Variants in SLC2A13 observed in about 807,000 individuals in gnomAD.
SLC2A13 encodes proton myo-inositol cotransporter.
Under a neutral mutation model 64.4 loss-of-function variants are expected in SLC2A13, and 32 were observed. The observed-to-expected ratio is 0.50, with a 90% CI of 0.37 to 0.67. The LOEUF (loss-of-function observed/expected upper bound fraction) is 0.67. SLC2A13 is among the 30% of genes least tolerant of loss of function. SLC2A13 has a pLI of 0.00. For missense variants in SLC2A13, 743 were observed against 829.2 expected (o/e 0.90, Z 1.28); for synonymous variants, 338 against 327.1 (o/e 1.03, Z -0.36).
At chr12:40,044,824 C>CTTAATCCAATCACTACT (rs1948147500) in intron 2 of SLC2A13, among the ~76,000 whole-genome samples, 1 of 152,170 alleles carries the variant, frequency 6.6e-6, no homozygotes, top group East Asian at 1.9e-4. Flanking sequence ...TTCCATCTGT[C>CTTAATCCAATCACTACT]TTAATCCAAT....
At chr12:39,821,810 C>G (rs899382841) in intron 7 of SLC2A13, among the ~76,000 whole-genome samples, 2 of 152,148 alleles carry the variant, frequency 1.3e-5, no homozygotes, top group African/African-American at 2.4e-5. Flanking sequence ...CAGGGAAATA[C>G]AATCCTTCCC....
intron 2 of SLC2A13, among the ~76,000 whole-genome samples, chr12:40,042,108 A>G (rs1948098913): frequency 6.6e-6 from 1 of 152,218 alleles, no homozygotes; most frequent in South Asian, 2.1e-4. Flanking sequence ...TCCCAGGACT[A>G]ATATTTTGTA....
intron 1 of SLC2A13, among the ~76,000 whole-genome samples, chr12:40,051,171 G>T (rs779216232): frequency 1.3e-5 from 2 of 152,074 alleles, no homozygotes; most frequent in Admixed American, 6.6e-5. Flanking sequence ...ACATGGTAAG[G>T]GTCATAATAA....
intron 4 of SLC2A13, among the ~76,000 whole-genome samples, chr12:39,942,379 A>C (rs1946047062): frequency 6.6e-6 from 1 of 152,106 alleles, no homozygotes; most frequent in African/African-American, 2.4e-5. Flanking sequence ...GTCATCTGTG[A>C]CTTCTTTCAG....
chr12:39,803,587 T>G (rs920905240), intron 7 of SLC2A13, among the ~76,000 whole-genome samples: 3 of 151,976 alleles, frequency 2.0e-5, no homozygotes, highest in African/African-American at 7.2e-5. Flanking sequence ...CATATATATA[T>G]AGAGTCAGAA....
At chr12:39,897,506 C>G (rs1008434343) in intron 4 of SLC2A13, among the ~76,000 whole-genome samples, 6 of 152,284 alleles carry the variant, frequency 3.9e-5, no homozygotes, top group Admixed American at 1.3e-4. Context: ...ACTTCTAATT[C>G]AAAGGTTAGG....
At chr12:40,009,733 C>T (rs924409107) in intron 3 of SLC2A13, among the ~76,000 whole-genome samples, 7 of 152,168 alleles carry the variant, frequency 4.6e-5, no homozygotes, top group Non-Finnish European at 2.9e-5. Context: ...TCATGCCTGG[C>T]GACAGTTTCT....
chr12:39,948,146 T>TG (rs1354570864), intron 4 of SLC2A13, among the ~76,000 whole-genome samples: 2 of 152,146 alleles, frequency 1.3e-5, no homozygotes, highest in Non-Finnish European at 2.9e-5. Flanking sequence ...AGGAAAATAA[T>TG]CAATTCAGTT....
chr12:40,036,909 A>T (rs1196966222), intron 2 of SLC2A13, among the ~76,000 whole-genome samples: 5 of 152,018 alleles, frequency 3.3e-5, no homozygotes, highest in Non-Finnish European at 5.9e-5. Flanking sequence ...TTTTGTGTGG[A>T]TGTCATCTTC....
At chr12:39,830,575 G>A (rs1472186267) in intron 6 of SLC2A13, 1 of 763,572 alleles carries the variant, frequency 1.3e-6, no homozygotes, top group Non-Finnish European at 1.6e-6. Context: ...CTGCCTCATT[G>A]TGATCCAGCC....
chr12:39,866,675 T>A (rs1943920410), intron 5 of SLC2A13, among the ~76,000 whole-genome samples: 1 of 152,140 alleles, frequency 6.6e-6, no homozygotes, highest in Admixed American at 6.5e-5. Flanking sequence ...GAGACGGGGT[T>A]TCACCGTGTT....
chr12:39,867,673 C>A lies in SLC2A13; in HGVS notation c.1199-2791G>T, dbSNP rs112652299. 2.3e-3 allele frequency among the ~76,000 whole-genome samples: 350 copies of A among 152,158 alleles called. 4 individuals are homozygous for A. Among genetic ancestry groups the A allele is most frequent in the African/African-American group, 7.4e-3 (309 of 41,518 alleles). ...TAGGTAAAAGTTAACTCTTCTTAAG[C>A]CAAATTTATTTTATTTTGGCCCATT... On this transcript the variant is annotated intron_variant, in intron 5 of 9. Transcript: ENST00000280871.
intron 4 of SLC2A13, among the ~76,000 whole-genome samples, chr12:39,878,447 C>T (rs1351196855): frequency 6.6e-6 from 1 of 152,154 alleles, no homozygotes; most frequent in African/African-American, 2.4e-5. Flanking sequence ...AAATGAGGAA[C>T]TTATTGGGAA....
intron 3 of SLC2A13, among the ~76,000 whole-genome samples, chr12:40,008,913 G>T (rs1269825050): frequency 6.6e-6 from 1 of 152,138 alleles, no homozygotes; most frequent in Non-Finnish European, 1.5e-5. Context: ...ACCCCCAAAT[G>T]TAATGCCTAT....
intron 5 of SLC2A13, among the ~76,000 whole-genome samples, chr12:39,871,501 AT>A (rs1566888429): frequency 8.3e-6 from 1 of 120,488 alleles, no homozygotes. Context: ...AAAAACAATT[AT>A]TTTTTTTCAC....
chr12:39,883,981 C>A (rs1271364875), intron 4 of SLC2A13, among the ~76,000 whole-genome samples: 1 of 152,078 alleles, frequency 6.6e-6, no homozygotes, highest in Non-Finnish European at 1.5e-5. Flanking sequence ...GATTTTGATG[C>A]CTTTTCTTCT....
At chr12:40,018,120 C>T (rs1244100451) in intron 3 of SLC2A13, among the ~76,000 whole-genome samples, 1 of 152,176 alleles carries the variant, frequency 6.6e-6, no homozygotes, top group Non-Finnish European at 1.5e-5. Flanking sequence ...CAACCTATAG[C>T]TCATGGGCCA....
Position 40,105,052 on chromosome 12 carries a change from T to TC in SLC2A13, c.556+200dup, listed in dbSNP as rs917561328. 1.4e-5 allele frequency among the ~76,000 whole-genome samples: 2 copies of TC among 147,238 alleles called. No individual in the cohort carries two copies. Among genetic ancestry groups the TC allele is most frequent in the African/African-American group, 2.5e-5 (1 of 40,032 alleles). Reference sequence around the variant, plus strand: ...CGAGGGAGACTAGAGTGACACCCCCTCCCCCCCGACCCTCCCACCTCCCGG... The same window carrying TC: ...CGAGGGAGACTAGAGTGACACCCCCTCCCCCCCCGACCCTCCCACCTCCCGG... On this transcript the variant is annotated intron_variant, in intron 1 of 9. Coordinates refer to ENST00000280871, the MANE Select transcript of SLC2A13 (RefSeq NM_052885.4). This position sits in a 1 kb window ranked among gnomAD's most constrained non-coding sequence, Gnocchi z 4.2.
intron 6 of SLC2A13, among the ~76,000 whole-genome samples, chr12:39,844,398 A>G (rs754233494): frequency 6.6e-6 from 1 of 152,082 alleles, no homozygotes; most frequent in Non-Finnish European, 1.5e-5. Flanking sequence ...TTTAAAATGT[A>G]ACGATAAAGT....
Sources: allele counts gnomAD v4.1 joint callset (sites outside exome capture counted in the v4.1 genomes callset), GRCh38; gene constraint gnomAD v4.1.1; non-coding constraint Gnocchi (gnomAD v3.1); transcripts MANE v1.5; gene names NCBI Gene and HGNC (gene_info 2026-07-23, HGNC 2026-07-21).